Variants in UBAC2 observed in about 807,000 individuals in gnomAD.
UBAC2 encodes the protein ubiquitin-associated domain-containing protein 2.
A neutral mutation model predicts 44.0 loss-of-function variants in UBAC2; 26 were observed. The ratio of observed to expected loss-of-function variants is 0.59; its 90% CI spans 0.43 to 0.82. UBAC2 has a LOEUF of 0.82. Ranked by LOEUF, UBAC2 falls within the 40% of genes least tolerant of loss-of-function variation. The probability of loss-of-function intolerance (pLI) is 0.00; values close to 1 mark genes in which losing one functional copy is unlikely to be tolerated. For synonymous variants in UBAC2, 155 were observed against 154.3 expected (o/e 1.00, Z -0.04); for missense variants, 329 against 419.4 (o/e 0.78, Z 1.88).
chr13:99,340,483 A>G lies in UBAC2; in HGVS notation c.725A>G (p.Gln242Arg). 6.2e-7 allele frequency: 1 copy of G among 1,614,222 alleles called. No homozygotes were observed. The highest frequency in any genetic ancestry group is 8.5e-7 in the Non-Finnish European group (1 of 1,180,024). The change falls in exon 7 of 9, where the codon CAG becomes CGG. Residue 242 changes from glutamine (Q) to arginine (R), a missense_variant. Coordinates refer to ENST00000403766, the MANE Select transcript of UBAC2 (RefSeq NM_001144072.2). ...RIGMGATLDI[Q>R]RQQRMELLDR... ...GGGATGGGAGCCACGCTGGACATCC[A>G]GAGACAGCAGAGAATGGAGCTGCTG...
At chr13:99,319,219 A>G (rs1166553196) in intron 6 of UBAC2, among the ~76,000 whole-genome samples, 1 of 152,242 alleles carries the variant, frequency 6.6e-6, no homozygotes, top group Non-Finnish European at 1.5e-5. Context: ...ATTAAAAAAA[A>G]TTAGAGCATG....
At chr13:99,336,817 A>T (rs2044795157) in intron 6 of UBAC2, among the ~76,000 whole-genome samples, 1 of 152,170 alleles carries the variant, frequency 6.6e-6, no homozygotes, top group African/African-American at 2.4e-5. Context: ...ACTGTCACAA[A>T]GCCTTGCAAA....
At chr13:99,225,312 G>T (rs979574425) in intron 1 of UBAC2, among the ~76,000 whole-genome samples, 2 of 151,860 alleles carry the variant, frequency 1.3e-5, no homozygotes, top group African/African-American at 4.8e-5. Flanking sequence ...CCCTTCCTCC[G>T]CCCACTGTAC....
At chr13:99,287,127 AC>A (rs1323306065) in intron 4 of UBAC2, among the ~76,000 whole-genome samples, 2 of 152,158 alleles carry the variant, frequency 1.3e-5, no homozygotes, top group Admixed American at 1.3e-4. Flanking sequence ...AAATAATTTG[AC>A]AGTTGGATCC....
At chr13:99,225,454 A>C (rs149133898) in intron 1 of UBAC2, among the ~76,000 whole-genome samples, 74 of 152,310 alleles carry the variant, frequency 4.9e-4, no homozygotes, top group African/African-American at 1.7e-3. Context: ...AATGTCCTCA[A>C]GGTTCATGCA....
intron 1 of UBAC2, among the ~76,000 whole-genome samples, chr13:99,227,876 G>A (rs1334758302): frequency 1.3e-5 from 2 of 152,164 alleles, no homozygotes; most frequent in African/African-American, 4.8e-5. Context: ...TTCAAGTTGG[G>A]AGTGTGAATT....
At chr13:99,367,062 A>G (rs767177401) in intron 7 of UBAC2, among the ~76,000 whole-genome samples, 1 of 152,186 alleles carries the variant, frequency 6.6e-6, no homozygotes, top group Non-Finnish European at 1.5e-5. Context: ...TTAAAGCAGC[A>G]TGTGATGCAT....
chr13:99,335,522 G>A (rs964005465), intron 6 of UBAC2, among the ~76,000 whole-genome samples: 15 of 151,978 alleles, frequency 9.9e-5, no homozygotes, highest in African/African-American at 3.6e-4. Context: ...TGTAGTTACC[G>A]CAGACAGATG....
chr13:99,244,837 C>CT (rs371728608), intron 4 of UBAC2, among the ~76,000 whole-genome samples: 358 of 145,584 alleles, frequency 2.5e-3, no homozygotes, highest in East Asian at 5.6e-3. Flanking sequence ...ATTTATTTTA[C>CT]TTTTTTTTTT....
At chr13:99,260,583 G>A (rs1420109654) in intron 4 of UBAC2, among the ~76,000 whole-genome samples, 1 of 152,192 alleles carries the variant, frequency 6.6e-6, no homozygotes, top group Non-Finnish European at 1.5e-5. Context: ...GGATCTTCGC[G>A]ATGGTTTTGT....
chr13:99,376,909 A>G (rs531023457), intron 8 of UBAC2: 1 of 152,292 alleles, frequency 6.6e-6, no homozygotes, highest in East Asian at 1.9e-4. Flanking sequence ...CATTTTTAAA[A>G]TTTTCCAGAC....
rs923939563 is a variant in UBAC2, at chr13:99,331,393, A to T, written c.562-8927A>T. Among the ~76,000 whole-genome samples the T allele has an allele frequency of 2.6e-5, 4 of 152,360 alleles. No homozygotes were observed. The East Asian group carries it at 7.7e-4, about 29-fold the overall frequency. ...CCTGATGCATGATTTCCCAAAAGGA[A>T]AAGCCTAGAGCAGGTTTCTAAGACA... is the stretch of plus-strand genomic sequence containing the variant. On this transcript the variant is annotated intron_variant, in intron 6 of 8. Transcript: ENST00000403766.
chr13:99,351,919 C>T (rs1425347089), intron 7 of UBAC2: 1 of 368,632 alleles, frequency 2.7e-6, no homozygotes, highest in Non-Finnish European at 5.4e-6. Context: ...AGTGGCTCAG[C>T]GATACTCACA....
intron 6 of UBAC2, among the ~76,000 whole-genome samples, chr13:99,325,971 TG>T (rs1166830256): frequency 6.6e-6 from 1 of 152,230 alleles, no homozygotes; most frequent in Non-Finnish European, 1.5e-5. Flanking sequence ...TTCCCCATGT[TG>T]GCTATTGCAA....
At position 99,321,593 on chromosome 13, in the gene UBAC2, G is replaced by A. The variant is rs373789570; in HGVS notation, c.561+3524G>A. ...GCTGGGATTATAGGCGTGAGCCACC[G>A]TGTCTGGCCTAGGCTAGTTTTTAAT... On this transcript the variant is annotated intron_variant, in intron 6 of 8. Transcript: ENST00000403766. 4.6e-5 allele frequency among the ~76,000 whole-genome samples: 7 copies of A among 152,324 alleles called. No individual in the cohort carries two copies. In the East Asian group the frequency reaches 5.8e-4, roughly 13 times the overall value.
At chr13:99,365,534 G>T (rs760628775) in intron 7 of UBAC2, among the ~76,000 whole-genome samples, 4 of 151,890 alleles carry the variant, frequency 2.6e-5, no homozygotes, top group Admixed American at 2.0e-4. Context: ...CCATTATGAG[G>T]ATTTTTTTGG....
intron 4 of UBAC2, among the ~76,000 whole-genome samples, chr13:99,273,549 A>T (rs754796505): frequency 3.3e-5 from 5 of 152,062 alleles, no homozygotes; most frequent in Admixed American, 6.5e-5. Context: ...TGATTAAGGA[A>T]ATGCTATCTC....
At chr13:99,201,815 T>C (rs2042804841) in intron 1 of UBAC2, among the ~76,000 whole-genome samples, 1 of 152,138 alleles carries the variant, frequency 6.6e-6, no homozygotes. Flanking sequence ...CTCACGCCTG[T>C]AATCCCAGCA....
rs759611365 is a variant in UBAC2 at position 99,238,446 on chromosome 13, G to C, written c.51G>C (p.Lys17Asn). 1.2e-6 allele frequency: 2 copies of C among 1,613,742 alleles called. No homozygotes were observed. Among genetic ancestry groups the C allele is most frequent in the African/African-American group, 1.3e-5 (1 of 75,028 alleles). The change falls in exon 2 of 9, where the codon AAG becomes AAC. Residue 17 changes from lysine (K) to asparagine (N), a missense_variant. Physicochemically the swap from Lys to Asn is moderately conservative, Grantham distance 94. Transcript: ENST00000403766. ...CTCCAGACAAGGCGCCTCTGTCGAAGAGCCTTCTGCTGGTCCCCAGTGCCC... is the reference window on the plus strand; with the variant it reads ...CTCCAGACAAGGCGCCTCTGTCGAACAGCCTTCTGCTGGTCCCCAGTGCCC... ...SSGLYKAPLS[K>N]SLLLVPSALS... is the part of the protein sequence containing the mutation.
Sources: gnomAD v4.1 joint callset for allele counts (sites outside exome capture counted in the v4.1 genomes callset) on GRCh38, gnomAD v4.1.1 for gene constraint, MANE v1.5 for transcripts, NCBI Gene and HGNC (gene_info 2026-07-23, HGNC 2026-07-21) for gene names.